PRKN: variants seen among roughly 807,000 people sequenced by gnomAD.
The protein encoded by PRKN is parkin RBR E3 ubiquitin protein ligase, also known as E3 ubiquitin-protein ligase parkin.
PRKN carries 56 observed loss-of-function variants against 59.5 expected under a neutral mutation model. The ratio of observed to expected loss-of-function variants is 0.94; its 90% CI spans 0.76 to 1.18. The LOEUF is 1.18. Among genes scored for constraint, PRKN ranks in the 50% most tolerant of loss-of-function variants. The pLI is 0.00. For synonymous variants in PRKN, 250 were observed against 222.1 expected (o/e 1.13, Z -1.12); for missense variants, 657 against 596.4 (o/e 1.10, Z -1.06).
chr6:162,473,151 AT>A (rs1791840612), intron 1 of PRKN, among the ~76,000 whole-genome samples: 1 of 152,138 alleles, frequency 6.6e-6, no homozygotes, highest in African/African-American at 2.4e-5. Context: ...TGCCTTGGTC[AT>A]GTTATCTACT....
rs1387648535 is a variant in PRKN, at chr6:161,471,658, C to A, written c.1083+77196G>T. On this transcript the variant is annotated intron_variant, in intron 9 of 11. Transcript: ENST00000366898. This position sits in a 1 kb window ranked among gnomAD's most constrained non-coding sequence, Gnocchi z 4.5. ...GAATCAGGATTCAAAAACATCCCCC[C>A]ACCGTCTGACATCACTGGGTAATCT... 1.3e-5 allele frequency among the ~76,000 whole-genome samples: 2 copies of A among 152,150 alleles called. No individual in the cohort carries two copies. Among genetic ancestry groups the A allele is most frequent in the African/African-American group, 4.8e-5 (2 of 41,430 alleles).
At chr6:161,564,918 C>A (rs1780584026) in intron 8 of PRKN, among the ~76,000 whole-genome samples, 1 of 152,196 alleles carries the variant, frequency 6.6e-6, no homozygotes, top group Admixed American at 6.5e-5. Flanking sequence ...CGGTGCTGAC[C>A]ATGCAGCTCC....
intron 4 of PRKN, among the ~76,000 whole-genome samples, chr6:162,133,403 C>A (rs759838221): frequency 2.0e-5 from 3 of 152,102 alleles, no homozygotes; most frequent in Non-Finnish European, 2.9e-5. Flanking sequence ...ACTGAGAGAG[C>A]AGTGGTGCTG....
chr6:161,524,447 G>T (rs1188824015), intron 9 of PRKN, among the ~76,000 whole-genome samples: 1 of 152,158 alleles, frequency 6.6e-6, no homozygotes, highest in Non-Finnish European at 1.5e-5. Flanking sequence ...CTGGGCTCAA[G>T]TGATCCTCTT....
At chr6:161,826,038 T>G (rs554969248) in intron 6 of PRKN, among the ~76,000 whole-genome samples, 26 of 152,246 alleles carry the variant, frequency 1.7e-4, no homozygotes, top group African/African-American at 5.3e-4. Context: ...CTCTCACTCT[T>G]GCCCCAAGCT....
intron 5 of PRKN, among the ~76,000 whole-genome samples, chr6:162,040,572 A>ATTTTTTTTTT (rs35272845): frequency 8.8e-5 from 10 of 113,078 alleles, no homozygotes; most frequent in African/African-American, 1.7e-4. Flanking sequence ...ATGCCCGGCT[A>ATTTTTTTTTT]TTTTTTTTTT....
Position 162,522,277 on chromosome 6 carries a change from C to A in PRKN, c.8-78804G>T, listed in dbSNP as rs546498460. 3.1e-3 allele frequency among the ~76,000 whole-genome samples: 469 copies of A among 152,296 alleles called. 4 individuals are homozygous for A. The highest frequency in any genetic ancestry group is 7.5e-3 in the South Asian group (36 of 4,828). On this transcript the variant is annotated intron_variant, in intron 1 of 11. Transcript: ENST00000366898. ...TAGCTGGGACTACAGGCTCAGACAA[C>A]CATGCCCGGCTAATTTTTGTATTTT...
intron 9 of PRKN, among the ~76,000 whole-genome samples, chr6:161,392,739 C>T (rs572079746): frequency 2.8e-4 from 42 of 149,920 alleles, no homozygotes; most frequent in Middle Eastern, 3.4e-3. Flanking sequence ...TAGTCATCAG[C>T]TTATCCTAAA....
rs1472580916 is a variant in PRKN, at chr6:161,560,031, C to A, written c.933+9324G>T. 6.6e-6 allele frequency among the ~76,000 whole-genome samples: 1 copy of A among 151,532 alleles called. No individual in the cohort carries two copies. Among genetic ancestry groups the A allele is most frequent in the Non-Finnish European group, 1.5e-5 (1 of 67,712 alleles). ...CCTCCAAAGATCATCACAATGCATC[C>A]CTCATGCCCCACATCATTGCTTCAG... On this transcript the variant is annotated intron_variant, in intron 8 of 11. Transcript: ENST00000366898. The surrounding 1 kb of genome is among the most constrained non-coding windows in gnomAD (Gnocchi z 4.9).
chr6:162,683,363 T>A (rs1779843566), intron 1 of PRKN, among the ~76,000 whole-genome samples: 1 of 152,182 alleles, frequency 6.6e-6, no homozygotes, highest in Admixed American at 6.5e-5. Context: ...AAAATTCTAC[T>A]GTGAACGAGC....
At position 161,547,363 on chromosome 6, in the gene PRKN, G is replaced by T. The variant is rs529001561; in HGVS notation, c.1083+1491C>A. 2.0e-5 allele frequency among the ~76,000 whole-genome samples: 3 copies of T among 152,052 alleles called. No homozygotes were observed. Among genetic ancestry groups the T allele is most frequent in the African/African-American group, 4.8e-5 (2 of 41,396 alleles). ...CTTCTAAAATAATTTGTCATGATTT[G>T]CAGCTTAAGTATGTATGTTATTTAC... On this transcript the variant is annotated intron_variant, in intron 9 of 11. Coordinates refer to ENST00000366898, the MANE Select transcript of PRKN (RefSeq NM_004562.3). This position sits in a 1 kb window ranked among gnomAD's most constrained non-coding sequence, Gnocchi z 4.0.
chr6:162,498,628 A>G (rs961824715), intron 1 of PRKN, among the ~76,000 whole-genome samples: 1 of 150,646 alleles, frequency 6.6e-6, no homozygotes, highest in Non-Finnish European at 1.5e-5. Context: ...TATTTTTAGT[A>G]GAGATGGGGT....
At chr6:161,843,712 C>A (rs1343826771) in intron 6 of PRKN, among the ~76,000 whole-genome samples, 2 of 152,164 alleles carry the variant, frequency 1.3e-5, no homozygotes, top group African/African-American at 2.4e-5. Flanking sequence ...ATTGCTTGAA[C>A]CTGGGAGGCG....
chr6:161,889,871 T>C (rs1213883672), intron 6 of PRKN, among the ~76,000 whole-genome samples: 1 of 152,212 alleles, frequency 6.6e-6, no homozygotes, highest in Non-Finnish European at 1.5e-5. Context: ...CTGTAATTTT[T>C]TTAATGTTTT....
rs563215895 is a variant in PRKN at position 162,617,825 on chromosome 6, A to T, written c.7+109837T>A. Among the ~76,000 whole-genome samples the T allele has an allele frequency of 1.0e-3, 159 of 152,316 alleles. 2 individuals are homozygous for T. The highest frequency in any genetic ancestry group is 6.8e-3 in the Middle Eastern group (2 of 294). On this transcript the variant is annotated intron_variant, in intron 1 of 11. Coordinates refer to ENST00000366898, the MANE Select transcript of PRKN (RefSeq NM_004562.3). ...GTAATAACTAACAAGTAATAGTACT[A>T]CCAGGAGTACTAATACTACTTAAAG...
intron 2 of PRKN, among the ~76,000 whole-genome samples, chr6:162,377,702 G>A (rs553604367): frequency 1.3e-5 from 2 of 152,190 alleles, no homozygotes; most frequent in Non-Finnish European, 2.9e-5. Flanking sequence ...GGACAGGCAT[G>A]TAAGTCATAT....
chr6:161,546,300 A>C lies in PRKN; in HGVS notation c.1083+2554T>G, dbSNP rs1779792305. Among the ~76,000 whole-genome samples the C allele has an allele frequency of 6.6e-6, 1 of 152,210 alleles. No individual in the cohort carries two copies. Among genetic ancestry groups the C allele is most frequent in the Non-Finnish European group, 1.5e-5 (1 of 68,024 alleles). ...ATTTTAGAGATAAGGAAACCGAGAA[A>C]GATGAAAACCACAAGTAGTTTGTGA... On this transcript the variant is annotated intron_variant, in intron 9 of 11. Transcript: ENST00000366898. The surrounding 1 kb of genome is among the most constrained non-coding windows in gnomAD (Gnocchi z 4.4).
At chr6:162,453,446 A>C (rs895492189) in intron 1 of PRKN, among the ~76,000 whole-genome samples, 2 of 152,168 alleles carry the variant, frequency 1.3e-5, no homozygotes, top group Non-Finnish European at 2.9e-5. Flanking sequence ...GGAAAAAGGC[A>C]ACTGAAAATC....
At chr6:161,522,596 A>T (rs149634743) in intron 9 of PRKN, among the ~76,000 whole-genome samples, 24 of 152,378 alleles carry the variant, frequency 1.6e-4, no homozygotes, top group African/African-American at 5.3e-4. Flanking sequence ...AGAATGCCCT[A>T]CAGGGCACTG....
Sources: allele counts gnomAD v4.1 joint callset (sites outside exome capture counted in the v4.1 genomes callset), GRCh38; gene constraint gnomAD v4.1.1; non-coding constraint Gnocchi (gnomAD v3.1); transcripts MANE v1.5; gene names NCBI Gene and HGNC (gene_info 2026-07-23, HGNC 2026-07-21).